Variants in MPPED2 observed in about 807,000 individuals in gnomAD.
MPPED2 encodes metallophosphoesterase domain containing 2.
MPPED2 carries 5 observed loss-of-function variants against 33.0 expected under a neutral mutation model. That is an observed-to-expected ratio of 0.15 (90% CI 0.08 to 0.32). The LOEUF (loss-of-function observed/expected upper bound fraction) is 0.32, where lower values mean the gene tolerates loss of function less well. Ranked by LOEUF, MPPED2 falls within the 10% of genes least tolerant of loss-of-function variation. The pLI is 1.00. For missense variants in MPPED2, 275 were observed against 372.1 expected (o/e 0.74, Z 2.15); for synonymous variants, 136 against 141.9 (o/e 0.96, Z 0.29).
At chr11:30,430,839 CCACAGCATACA>C (rs1565060295) in intron 4 of MPPED2, among the ~76,000 whole-genome samples, 1 of 152,116 alleles carries the variant, frequency 6.6e-6, no homozygotes. Flanking sequence ...AAAAACCAGC[CCACAGCATACA>C]CTGCACACCA....
intron 3 of MPPED2, among the ~76,000 whole-genome samples, chr11:30,520,743 C>T (rs988368719): frequency 9.2e-5 from 14 of 152,068 alleles, no homozygotes; most frequent in African/African-American, 1.9e-4. Context: ...TCACTTTTTA[C>T]GTTAAAAAAT....
At chr11:30,454,923 G>A (rs1950217758) in intron 4 of MPPED2, among the ~76,000 whole-genome samples, 1 of 152,192 alleles carries the variant, frequency 6.6e-6, no homozygotes, top group African/African-American at 2.4e-5. Context: ...GTAGTTGTCA[G>A]TGCCAAAGGG....
At chr11:30,450,523 C>G (rs1471093975) in intron 4 of MPPED2, among the ~76,000 whole-genome samples, 1 of 152,124 alleles carries the variant, frequency 6.6e-6, no homozygotes, top group Non-Finnish European at 1.5e-5. Context: ...CCACTGATAA[C>G]CAGAATTGAG....
intron 4 of MPPED2, among the ~76,000 whole-genome samples, chr11:30,419,784 G>A (rs1948531397): frequency 6.6e-6 from 1 of 152,058 alleles, no homozygotes; most frequent in Non-Finnish European, 1.5e-5. Context: ...AATTGCCAGG[G>A]AGCTATTTTA....
intron 3 of MPPED2, among the ~76,000 whole-genome samples, chr11:30,525,212 T>C (rs1954100300): frequency 6.6e-6 from 1 of 152,198 alleles, no homozygotes; most frequent in East Asian, 1.9e-4. Context: ...TTCTGCATTC[T>C]CAGTGCCTCC....
At chr11:30,441,629 T>A (rs1949576297) in intron 4 of MPPED2, among the ~76,000 whole-genome samples, 2 of 152,228 alleles carry the variant, frequency 1.3e-5, no homozygotes, top group Non-Finnish European at 2.9e-5. Flanking sequence ...TTTAGGCTCA[T>A]ATTTCTCTCC....
At chr11:30,484,869 T>A (rs1012971148) in intron 4 of MPPED2, among the ~76,000 whole-genome samples, 1 of 152,140 alleles carries the variant, frequency 6.6e-6, no homozygotes, top group African/African-American at 2.4e-5. Context: ...CCCCCACCAA[T>A]ACACAAACAG....
intron 6 of MPPED2, among the ~76,000 whole-genome samples, chr11:30,399,408 A>G (rs1947880392): frequency 6.6e-6 from 1 of 152,228 alleles, no homozygotes; most frequent in Non-Finnish European, 1.5e-5. Context: ...TCCATCACAG[A>G]GAAATGGAAT....
chr11:30,410,979 A>G lies in MPPED2; in HGVS notation c.*489T>C. 1 of 985,852 alleles carries G rather than the reference A, an allele frequency of 1.0e-6. No individual in the cohort carries two copies. Among genetic ancestry groups the G allele is most frequent in the Non-Finnish European group, 1.2e-6 (1 of 829,958 alleles). 61.1% of individuals were successfully genotyped at this position (985,852 alleles called of 1,614,324 possible). ...TTCCATGCCTACTTCTGTTGAGAAG[A>G]TTGCTATAAATTGGGACCACATCTG... On this transcript the variant is annotated 3_prime_UTR_variant, in exon 7 of 7. Coordinates refer to ENST00000358117, the MANE Select transcript of MPPED2 (RefSeq NM_001584.3).
intron 3 of MPPED2, among the ~76,000 whole-genome samples, chr11:30,522,288 T>C (rs1953913793): frequency 6.6e-6 from 1 of 152,092 alleles, no homozygotes; most frequent in Admixed American, 6.5e-5. Flanking sequence ...AGTGAGCTCA[T>C]GTAAATGAAT....
chr11:30,580,515 A>T (rs1185858906), intron 1 of MPPED2, 21 bp from the exon 2 acceptor site: 1 of 1,416,860 alleles, frequency 7.1e-7, no homozygotes, highest in Non-Finnish European at 9.2e-7. Context: ...AAAAAAATGT[A>T]TATAAAATGA....
chr11:30,569,268 G>T (rs1205430510), intron 2 of MPPED2, among the ~76,000 whole-genome samples: 2 of 152,106 alleles, frequency 1.3e-5, no homozygotes, highest in Non-Finnish European at 2.9e-5. Context: ...AGGAGGATCA[G>T]TTGCAAGAGG....
intron 3 of MPPED2, among the ~76,000 whole-genome samples, chr11:30,532,352 C>A (rs1954576072): frequency 6.6e-6 from 1 of 152,196 alleles, no homozygotes; most frequent in Non-Finnish European, 1.5e-5. Flanking sequence ...AACATTCTGT[C>A]TGGTTAGTGT....
At chr11:30,443,269 C>T (rs1296067249) in intron 4 of MPPED2, among the ~76,000 whole-genome samples, 1 of 152,200 alleles carries the variant, frequency 6.6e-6, no homozygotes, top group African/African-American at 2.4e-5. Context: ...GCTTGCTCCA[C>T]GTCAGGCATT....
rs16920682 is a variant in MPPED2 at position 30,447,104 on chromosome 11, C to G, written c.537-29471G>C. On this transcript the variant is annotated intron_variant, in intron 4 of 6. Coordinates refer to ENST00000358117, the MANE Select transcript of MPPED2 (RefSeq NM_001584.3). ...GAACTGGGCTGCATAAACGAGAGAT[C>G]ATTCAGGTAGACAGGCGGCTGTTTG... 5.1e-3 allele frequency among the ~76,000 whole-genome samples: 782 copies of G among 152,292 alleles called. 10 individuals carry two copies. The highest frequency in any genetic ancestry group is 0.018 in the African/African-American group (751 of 41,572).
downstream of MPPED2, chr11:30,409,939 C>T (rs977059334): frequency 2.4e-5 from 7 of 294,912 alleles, no homozygotes; most frequent in Admixed American, 6.5e-5. Context: ...AATCCACAGC[C>T]TTAACTCCAG....
At chr11:30,467,151 T>A (rs185824210) in intron 4 of MPPED2, among the ~76,000 whole-genome samples, 2 of 152,226 alleles carry the variant, frequency 1.3e-5, no homozygotes, top group Admixed American at 6.5e-5. Context: ...ACCCCCACAC[T>A]TTCTGGCTTT....
intron 3 of MPPED2, among the ~76,000 whole-genome samples, chr11:30,504,354 G>A (rs1318832317): frequency 1.3e-5 from 2 of 152,174 alleles, no homozygotes; most frequent in Non-Finnish European, 2.9e-5. Flanking sequence ...CAACTGCTAG[G>A]AGCATGGAAG....
downstream of MPPED2, among the ~76,000 whole-genome samples, chr11:30,409,842 C>G (rs1028431414): frequency 2.0e-5 from 3 of 152,154 alleles, no homozygotes; most frequent in Admixed American, 2.0e-4. Flanking sequence ...GAGATGGTGA[C>G]TGCTCTTGGG....
Sources: gnomAD v4.1 joint callset for allele counts (sites outside exome capture counted in the v4.1 genomes callset) on GRCh38, gnomAD v4.1.1 for gene constraint, MANE v1.5 for transcripts, NCBI Gene and HGNC (gene_info 2026-07-23, HGNC 2026-07-21) for gene names.